Variants in CPS1 observed in about 807,000 individuals in gnomAD.
CPS1 encodes carbamoyl-phosphate synthase [ammonia], mitochondrial.
A neutral mutation model predicts 174.6 loss-of-function variants in CPS1; 109 were observed. That is an observed-to-expected ratio of 0.62 (90% CI 0.53 to 0.73). The LOEUF (loss-of-function observed/expected upper bound fraction) is 0.73, where lower values mean the gene tolerates loss of function less well. Among genes scored for constraint, CPS1 ranks in the 30% least tolerant of loss-of-function variants. CPS1 has a pLI of 0.00. For synonymous variants in CPS1, 637 were observed against 632.0 expected (o/e 1.01, Z -0.12); for missense variants, 1,689 against 1,821.9 (o/e 0.93, Z 1.33).
At chr2:210,513,173 T>G (rs1281780571) in intron 1 of CPS1, among the ~76,000 whole-genome samples, 1 of 147,976 alleles carries the variant, frequency 6.8e-6, no homozygotes. Context: ...TGTATGGATA[T>G]ATATATATAT....
chr2:210,502,104 C>G (rs1300590043), intron 1 of CPS1, among the ~76,000 whole-genome samples: 2 of 151,984 alleles, frequency 1.3e-5, no homozygotes, highest in Non-Finnish European at 2.9e-5. Context: ...TGAGAACCCA[C>G]TCACCATCAT....
intron 1 of CPS1, among the ~76,000 whole-genome samples, chr2:210,560,413 T>C (rs956442707): frequency 6.6e-6 from 1 of 152,118 alleles, no homozygotes; most frequent in Non-Finnish European, 1.5e-5. Context: ...TACTTGCAAA[T>C]GAATTTGGAA....
chr2:210,640,611 A>G (rs1197484506), intron 24 of CPS1, among the ~76,000 whole-genome samples: 1 of 152,244 alleles, frequency 6.6e-6, no homozygotes, highest in Non-Finnish European at 1.5e-5. Context: ...ACCACTAAAG[A>G]TTATTACAGA....
At chr2:210,529,129 A>G (rs1696050389) in intron 1 of CPS1, among the ~76,000 whole-genome samples, 1 of 151,914 alleles carries the variant, frequency 6.6e-6, no homozygotes, top group Non-Finnish European at 1.5e-5. Context: ...AATCATGAGA[A>G]AGAAATAACT....
At chr2:210,612,559 G>T (rs1340088425) in intron 20 of CPS1, among the ~76,000 whole-genome samples, 1 of 151,826 alleles carries the variant, frequency 6.6e-6, no homozygotes, top group Non-Finnish European at 1.5e-5. Context: ...TAGATAAAAT[G>T]TCCCCCTTTT....
chr2:210,602,081 C>T, intron 15 of CPS1, 121 bp from the exon 16 acceptor site: 1 of 1,184,242 alleles, frequency 8.4e-7, no homozygotes. Context: ...AATAATAGAA[C>T]ATTTCTAGAT....
At chr2:210,663,238 C>A in intron 33 of CPS1, 41 bp downstream of exon 33, 1 of 1,548,734 alleles carries the variant, frequency 6.5e-7, no homozygotes, top group South Asian at 1.1e-5. Flanking sequence ...ATTAAATCTA[C>A]TTTGAAATCT....
chr2:210,648,488 T>G lies in CPS1; in HGVS notation c.3352T>G (p.Phe1118Val). Residue 1118 changes from phenylalanine to valine, a missense_variant, in exon 27 of 38, where the codon TTT (phenylalanine) becomes GTT (valine). Physicochemically the swap from Phe to Val is conservative, Grantham distance 50. Coordinates refer to ENST00000233072, the MANE Select transcript of CPS1 (RefSeq NM_001875.5). Reference sequence around the variant, plus strand: ...TATTAATTAGAATGAAGCACTGGAATTTGCAAAGTCTGTGGACTACCCCTG... The same window carrying G: ...TATTAATTAGAATGAAGCACTGGAAGTTGCAAAGTCTGTGGACTACCCCTG... Reference protein sequence around the residue: ...AVNTLNEALEFAKSVDYPCLL... With the variant: ...AVNTLNEALEVAKSVDYPCLL... The G allele has an allele frequency of 6.2e-7, 1 of 1,613,446 alleles. No homozygotes were observed. The highest frequency in any genetic ancestry group is 8.5e-7 in the Non-Finnish European group (1 of 1,179,566).
chr2:210,517,105 G>T (rs1237760706), intron 1 of CPS1, among the ~76,000 whole-genome samples: 1 of 151,738 alleles, frequency 6.6e-6, no homozygotes, highest in African/African-American at 2.4e-5. Context: ...TTATAAACGA[G>T]GAAATATTTC....
At position 210,600,723 on chromosome 2, in the gene CPS1, T is replaced by G. The variant is rs377732856; in HGVS notation, c.1707+11T>G. 30 of 1,611,336 alleles carry G rather than the reference T, an allele frequency of 1.9e-5. No individual in the cohort carries two copies. The Admixed American group carries it at 2.7e-4, about 14-fold the overall frequency. Reference sequence around the variant, plus strand: ...TTTGCAGTGGAATCGGTAAGGATTCTTTGCTTTGGAAAAACAAGGGCATTA... The same window carrying G: ...TTTGCAGTGGAATCGGTAAGGATTCGTTGCTTTGGAAAAACAAGGGCATTA... On this transcript the variant is annotated intron_variant, in intron 15 of 37. Transcript: ENST00000233072.
At chr2:210,578,398 G>A (rs1296477626) in intron 4 of CPS1, among the ~76,000 whole-genome samples, 1 of 152,098 alleles carries the variant, frequency 6.6e-6, no homozygotes, top group African/African-American at 2.4e-5. Flanking sequence ...GCTCACATGA[G>A]CCACCGCGCC....
chr2:210,550,645 A>G (rs1017005231), intron 1 of CPS1, among the ~76,000 whole-genome samples: 2 of 151,930 alleles, frequency 1.3e-5, no homozygotes, highest in Non-Finnish European at 2.9e-5. Flanking sequence ...AGCCAATAGA[A>G]CAGATTTATT....
intron 1 of CPS1, among the ~76,000 whole-genome samples, chr2:210,506,305 A>G (rs1354160668): frequency 6.6e-6 from 1 of 152,190 alleles, no homozygotes; most frequent in Non-Finnish European, 1.5e-5. Context: ...AAACTCCAAC[A>G]GACCTGCAGC....
chr2:210,673,271 G>T (rs1303099712), intron 34 of CPS1: 1 of 152,212 alleles, frequency 6.6e-6, no homozygotes, highest in Non-Finnish European at 1.5e-5. Context: ...AGACACTCAT[G>T]TTAATGAAGT....
intron 36 of CPS1, 52 bp downstream of exon 36, chr2:210,675,892 G>T (rs747552276): frequency 2.3e-6 from 2 of 875,884 alleles, no homozygotes; most frequent in Admixed American, 3.4e-5. Context: ...TTAACTTTGA[G>T]AACCAGTATA....
intron 31 of CPS1, among the ~76,000 whole-genome samples, chr2:210,660,168 T>C (rs1700869847): frequency 6.6e-6 from 1 of 152,118 alleles, no homozygotes; most frequent in South Asian, 2.1e-4. Context: ...GACTAGACTT[T>C]AATCTGAAGC....
intron 1 of CPS1, among the ~76,000 whole-genome samples, chr2:210,561,134 G>C: frequency 6.6e-6 from 1 of 151,990 alleles, no homozygotes; most frequent in East Asian, 1.9e-4. Context: ...CACCAACAAC[G>C]CCTTGACATT....
intron 16 of CPS1, chr2:210,604,823 A>G: frequency 5.0e-6 from 2 of 396,224 alleles, no homozygotes; most frequent in Admixed American, 3.9e-5. Flanking sequence ...TGATTGCTCA[A>G]TTATTTTCTC....
chr2:210,494,625 G>A (rs1283191369), intron 1 of CPS1, among the ~76,000 whole-genome samples: 1 of 152,024 alleles, frequency 6.6e-6, no homozygotes, highest in Non-Finnish European at 1.5e-5. Context: ...TTCAATAAAT[G>A]AATGCAAAAA....
Sources: allele counts gnomAD v4.1 joint callset (sites outside exome capture counted in the v4.1 genomes callset), GRCh38; gene constraint gnomAD v4.1.1; transcripts MANE v1.5; gene names NCBI Gene and HGNC (gene_info 2026-07-23, HGNC 2026-07-21).